The following MACF1 variants were observed in gnomAD, a reference collection of about 807,000 sequenced individuals.
The protein encoded by MACF1 is microtubule-actin cross-linking factor 1.
Under a neutral mutation model 854.8 loss-of-function variants are expected in MACF1, and 193 were observed. That is an observed-to-expected ratio of 0.23 (90% CI 0.20 to 0.25). MACF1 has a LOEUF of 0.25. Among genes scored for constraint, MACF1 ranks in the 10% least tolerant of loss-of-function variants. MACF1 has a pLI of 1.00. For missense variants in MACF1, 7,722 were observed against 8,929.1 expected, an observed-to-expected ratio of 0.86 and a Z score of 5.45; for synonymous variants, 3,185 against 3,226.7, an observed-to-expected ratio of 0.99 and a Z score of 0.44.
At chr1:39,344,669 T>G (rs11807898) in intron 40 of MACF1, among the ~76,000 whole-genome samples, 8,517 of 152,234 alleles carry the variant, frequency 0.056, 309 homozygotes, top group African/African-American at 0.099. Flanking sequence ...GCAGTGTGTT[T>G]ACTAAAGTTG....
intron 13 of MACF1, 105 bp from the exon 14 acceptor site, chr1:39,285,499 C>CT: frequency 7.0e-7 from 1 of 1,430,096 alleles, no homozygotes; most frequent in Non-Finnish European, 9.6e-7. Flanking sequence ...GTATTATTTC[C>CT]CTTTTTTTTT....
At chr1:39,158,561 C>G (rs951542426) in intron 2 of MACF1, among the ~76,000 whole-genome samples, 2 of 152,164 alleles carry the variant, frequency 1.3e-5, no homozygotes, top group African/African-American at 4.8e-5. Flanking sequence ...GTTAAATGAG[C>G]CCCTGACTGG....
chr1:39,112,434 G>A lies in MACF1; in HGVS notation c.220+27996G>A, dbSNP rs183717069. Among the ~76,000 whole-genome samples, 690 of 152,212 alleles carry A rather than the reference G, an allele frequency of 4.5e-3. 2 individuals carry two copies. The highest frequency in any genetic ancestry group is 6.5e-3 in the Non-Finnish European group (439 of 67,994). ...ATTAAAGAAGTAAGATGTAATCCCA[G>A]CATTTTGGGAGGCCAAGGCGGGCAG... On this transcript the variant is annotated intron_variant, in intron 2 of 93. Coordinates refer to the MACF1 transcript ENST00000361689.
intron 2 of MACF1, among the ~76,000 whole-genome samples, chr1:39,151,028 T>A (rs565413657): frequency 6.6e-4 from 100 of 152,310 alleles, no homozygotes; most frequent in African/African-American, 2.3e-3. Flanking sequence ...CTAGAGGACT[T>A]CTTTTGGATA....
rs11453750 is a variant in MACF1 at position 39,263,771 on chromosome 1, C to CTTTTTTTTTTTTTTT, written c.528+5749_528+5763dup. ...CTTTCTTTCATCTTTTTTCTTTTTT[C>CTTTTTTTTTTTTTTT]TTTTTTTTTTTTTTTTTTTTGAGAC... On this transcript the variant is annotated intron_variant, in intron 6 of 100. Transcript: ENST00000564288. 6.3e-4 allele frequency among the ~76,000 whole-genome samples: 63 copies of CTTTTTTTTTTTTTTT among 100,210 alleles called. 2 individuals are homozygous for CTTTTTTTTTTTTTTT. Among genetic ancestry groups the CTTTTTTTTTTTTTTT allele is most frequent in the African/African-American group, 9.0e-4 (22 of 24,408 alleles). 65.7% of individuals were successfully genotyped at this position (100,210 alleles called of 152,430 possible).
chr1:39,413,832 G>A (rs1270772185), intron 58 of MACF1: 2 of 1,610,974 alleles, frequency 1.2e-6, no homozygotes, highest in African/African-American at 1.3e-5. Flanking sequence ...CAGCTGTGGT[G>A]GCCACCCTGG....
In MACF1 at chr1:39,118,823, G is replaced by A. The variant is rs1310408668; in HGVS notation, c.220+34385G>A. Among the ~76,000 whole-genome samples, 5 of 152,152 alleles carry A rather than the reference G, an allele frequency of 3.3e-5. No individual in the cohort carries two copies. The East Asian group carries it at 9.6e-4, about 29-fold the overall frequency. On this transcript the variant is annotated intron_variant, in intron 2 of 93. Coordinates refer to the MACF1 transcript ENST00000361689. The stretch of plus-strand genomic sequence containing the variant: ...TTGCTGTCGTTAGTTACTTCACTTT[G>A]CCTTGCCTATATGTATTGTCTGACA...
At position 39,422,920 on chromosome 1, in the gene MACF1, C is replaced by T. The variant is rs1204341359; in HGVS notation, c.16149+20C>T. The T allele has an allele frequency of 6.2e-7, 1 of 1,610,414 alleles. No individual in the cohort carries two copies. Among genetic ancestry groups the T allele is most frequent in the Non-Finnish European group, 8.5e-7 (1 of 1,176,822 alleles). ...CAGAAGGTAAGTGAGAATGTTGGGA[C>T]AGTGAACTGTAACAGCCGTAGGGAG... On this transcript the variant is annotated intron_variant, in intron 60 of 100. Coordinates refer to ENST00000564288, the MANE Select transcript of MACF1 (RefSeq NM_001394062.1).
intron 2 of MACF1, among the ~76,000 whole-genome samples, chr1:39,148,075 C>A (rs1643504695): frequency 6.6e-6 from 1 of 152,228 alleles, no homozygotes; most frequent in Admixed American, 6.5e-5. Flanking sequence ...TTCTTTCCTT[C>A]TACCCCAACC....
intron 40 of MACF1, among the ~76,000 whole-genome samples, chr1:39,341,286 G>A (rs544759570): frequency 1.1e-4 from 16 of 150,442 alleles, no homozygotes; most frequent in Admixed American, 2.7e-4. Flanking sequence ...CGCCCACCTC[G>A]GCCTCCCAAA....
intron 2 of MACF1, among the ~76,000 whole-genome samples, chr1:39,190,135 T>C (rs1007975002): frequency 4.6e-5 from 7 of 152,212 alleles, no homozygotes; most frequent in African/African-American, 1.7e-4. Context: ...CTTATTTAGA[T>C]ATTCTGGTTT....
chr1:39,389,351 GTTTTT>G (rs10588247), intron 58 of MACF1, among the ~76,000 whole-genome samples: 1,679 of 63,436 alleles, frequency 0.026, 38 homozygotes, highest in African/African-American at 0.09. Flanking sequence ...GTTTTTGTGT[GTTTTT>G]TTTTTTTTTT....
intron 2 of MACF1, among the ~76,000 whole-genome samples, chr1:39,101,623 G>A (rs1195959583): frequency 6.6e-6 from 1 of 151,130 alleles, no homozygotes; most frequent in Non-Finnish European, 1.5e-5. Context: ...AGGAGATGGA[G>A]ACCATCCTGG....
At chr1:39,300,890 A>G (rs1235228922) in intron 22 of MACF1, among the ~76,000 whole-genome samples, 2 of 152,042 alleles carry the variant, frequency 1.3e-5, no homozygotes, top group Non-Finnish European at 2.9e-5. Context: ...AGCCAGGTAC[A>G]GTGACTTGCA....
chr1:39,366,660 G>A lies in MACF1; in HGVS notation c.12772-1488G>A, dbSNP rs373859922. Among the ~76,000 whole-genome samples, 10 of 145,730 alleles carry A rather than the reference G, an allele frequency of 6.9e-5. No homozygotes were observed. In the East Asian group the frequency reaches 8.0e-4, roughly 12 times the overall value. Reference sequence around the variant, plus strand: ...TTTAACTACTTCGTTGTTTGATTTCGTTTTATTGTTGATTATCTTGGGTTT... The same window carrying A: ...TTTAACTACTTCGTTGTTTGATTTCATTTTATTGTTGATTATCTTGGGTTT... On this transcript the variant is annotated intron_variant, in intron 49 of 100. Transcript: ENST00000564288.
chr1:39,357,996 G>T, intron 45 of MACF1, 103 bp downstream of exon 45: 1 of 1,197,474 alleles, frequency 8.4e-7, no homozygotes. Context: ...GGACACAGTA[G>T]GAGAGCTGAT....
chr1:39,346,884 T>C (rs1438668931), intron 40 of MACF1, 93 bp from the exon 41 acceptor site: 1 of 804,466 alleles, frequency 1.2e-6, no homozygotes, highest in East Asian at 2.5e-5. Flanking sequence ...TACAGGAAAT[T>C]AGCCTCTCTG....
intron 2 of MACF1, among the ~76,000 whole-genome samples, chr1:39,180,790 C>T (rs1644094683): frequency 6.6e-6 from 1 of 152,234 alleles, no homozygotes; most frequent in African/African-American, 2.4e-5. Context: ...CTGTTCCTCT[C>T]ATCCCTGGCT....
intron 2 of MACF1, among the ~76,000 whole-genome samples, chr1:39,161,595 G>A (rs1016929243): frequency 3.3e-5 from 5 of 151,926 alleles, no homozygotes; most frequent in Non-Finnish European, 5.9e-5. Context: ...GGCTGGGCAC[G>A]GTGGCTCACA....
Sources: allele counts gnomAD v4.1 joint callset (sites outside exome capture counted in the v4.1 genomes callset), GRCh38; gene constraint gnomAD v4.1.1; transcripts MANE v1.5; gene names NCBI Gene and HGNC (gene_info 2026-07-23, HGNC 2026-07-21).